The following PIK3C2A variants were observed in gnomAD, a reference collection of about 807,000 sequenced individuals.
PIK3C2A encodes phosphatidylinositol 4-phosphate 3-kinase C2 domain-containing subunit alpha.
Under a neutral mutation model 204.5 loss-of-function variants are expected in PIK3C2A, and 97 were observed. The observed-to-expected ratio is 0.47, with a 90% confidence interval of 0.40 to 0.56. The LOEUF (loss-of-function observed/expected upper bound fraction) is 0.56, where lower values mean the gene tolerates loss of function less well. Ranked by LOEUF, PIK3C2A falls within the 20% of genes least tolerant of loss-of-function variation. PIK3C2A has a pLI of 0.00. For synonymous variants in PIK3C2A, 653 were observed against 664.4 expected (o/e 0.98, Z 0.26); for missense variants, 1,735 against 1,969.2 (o/e 0.88, Z 2.25).
chr11:17,100,089 G>T, intron 25 of PIK3C2A, 120 bp from the exon 26 acceptor site: 2 of 559,136 alleles, frequency 3.6e-6, no homozygotes, highest in Non-Finnish European at 6.3e-6. Context: ...CAGTCTTGAG[G>T]GGTTCATTAG....
chr11:17,137,995 C>T, intron 8 of PIK3C2A: 1 of 592,898 alleles, frequency 1.7e-6, no homozygotes, highest in Admixed American at 2.2e-5. Context: ...TTTCTGACTC[C>T]CTGCTTGTGC....
intron 19 of PIK3C2A, among the ~76,000 whole-genome samples, chr11:17,115,961 A>ATG (rs1849172640): frequency 6.6e-6 from 1 of 152,224 alleles, no homozygotes; most frequent in African/African-American, 2.4e-5. Flanking sequence ...ACAGGTGTAC[A>ATG]TCTTTATGGC....
chr11:17,169,593 T>C lies in PIK3C2A; in HGVS notation c.149A>G (p.Asp50Gly). The C allele has an allele frequency of 3.1e-6, 5 of 1,614,182 alleles. No individual in the cohort carries two copies. Among genetic ancestry groups the C allele is most frequent in the Non-Finnish European group, 3.4e-6 (4 of 1,180,036 alleles). Residue 50 changes from aspartate to glycine, a missense_variant, in exon 2 of 33, where the codon GAC (aspartate) becomes GGC (glycine). By Grantham distance (94) the Asp-to-Gly change is moderately conservative. Coordinates refer to ENST00000691414, the MANE Select transcript of PIK3C2A (RefSeq NM_002645.4). ...AKLQKDRQVT[D>G]NQRGFELSSS... ...TGACAACTCAAAGCCTCTCTGATTG[T>C]CAGTCACTTGTCTATCCTTTTGCAG...
At chr11:17,171,501 AC>A (rs1165659746) in intron 1 of PIK3C2A, among the ~76,000 whole-genome samples, 1 of 151,764 alleles carries the variant, frequency 6.6e-6, no homozygotes, top group Non-Finnish European at 1.5e-5. Context: ...GTAATACTAA[AC>A]AAAAAAAAAA....
intron 32 of PIK3C2A, 61 bp from the exon 33 acceptor site, chr11:17,089,981 C>T (rs1848256281): frequency 7.8e-7 from 1 of 1,277,206 alleles, no homozygotes; most frequent in Non-Finnish European, 1.1e-6. Context: ...TTTCTTGGAA[C>T]ATTTCAAGTG....
intron 21 of PIK3C2A, among the ~76,000 whole-genome samples, chr11:17,111,567 G>T (rs536510545): frequency 1.3e-5 from 2 of 152,122 alleles, no homozygotes; most frequent in African/African-American, 2.4e-5. Flanking sequence ...AGAATAAGGA[G>T]AATTTGCCTT....
At chr11:17,142,369 A>G (rs181782891) in intron 8 of PIK3C2A, among the ~76,000 whole-genome samples, 3 of 152,316 alleles carry the variant, frequency 2.0e-5, no homozygotes, top group Admixed American at 2.0e-4. Flanking sequence ...AATGTTTGGT[A>G]GTCAGGAAGA....
intron 28 of PIK3C2A, among the ~76,000 whole-genome samples, chr11:17,093,916 C>A (rs1848383313): frequency 6.6e-6 from 1 of 152,012 alleles, no homozygotes; most frequent in African/African-American, 2.4e-5. Flanking sequence ...GGATTATAAG[C>A]TTGTGAGCCA....
At chr11:17,186,232 A>T (rs1446422353) in intron 1 of PIK3C2A, among the ~76,000 whole-genome samples, 2 of 152,064 alleles carry the variant, frequency 1.3e-5, no homozygotes, top group Non-Finnish European at 2.9e-5. Context: ...CCTCCCTGAT[A>T]ACCAAGTTAA....
At chr11:17,194,784 C>T (rs1017981952) in intron 1 of PIK3C2A, among the ~76,000 whole-genome samples, 9 of 152,194 alleles carry the variant, frequency 5.9e-5, no homozygotes, top group African/African-American at 2.2e-4. Context: ...TGGCACATGC[C>T]TGTTATCCCA....
chr11:17,115,400 G>A (rs1849148657), intron 19 of PIK3C2A, among the ~76,000 whole-genome samples: 1 of 147,188 alleles, frequency 6.8e-6, no homozygotes, highest in Non-Finnish European at 1.5e-5. Flanking sequence ...AAAAAGACAG[G>A]CATGGTGGCA....
chr11:17,129,506 T>A, intron 12 of PIK3C2A, 39 bp from the exon 13 acceptor site: 2 of 1,298,086 alleles, frequency 1.5e-6, no homozygotes, highest in Non-Finnish European at 1.1e-6. Context: ...CAAATTAGAT[T>A]GAATGATTTT....
At chr11:17,119,377 G>GA (rs959917769) in intron 16 of PIK3C2A, 64 bp from the exon 17 acceptor site, 3 of 926,020 alleles carry the variant, frequency 3.2e-6, no homozygotes, top group African/African-American at 1.6e-5. Flanking sequence ...TGTATTTTTT[G>GA]AAAACACAAT....
intron 1 of PIK3C2A, among the ~76,000 whole-genome samples, chr11:17,173,602 T>C (rs1851246573): frequency 6.6e-6 from 1 of 152,194 alleles, no homozygotes; most frequent in African/African-American, 2.4e-5. Flanking sequence ...CCTTTTTGCT[T>C]AAGCCAGTTT....
At position 17,169,496 on chromosome 11, in the gene PIK3C2A, A is replaced by C; in HGVS notation, c.246T>G (p.Asp82Glu). The change falls in exon 2 of 33, where the codon GAT (aspartate) becomes GAG (glutamate). Residue 82 changes from aspartate (D) to glutamate (E), a missense_variant. By Grantham distance (45) the Asp-to-Glu change is conservative. Around this residue, in one of 6 missense-constraint regions of PIK3C2A, gnomAD observed 536 missense variants for 546.7 expected, o/e 0.98. Transcript: ENST00000691414. ...CAATATCTAATGCTCTTTTTTGGGA[A>C]TCTGATTCAGGAAACACCATGAGAT... ...DYDLMVFPES[D>E]SQKRALDIDV... 1.2e-6 allele frequency: 2 copies of C among 1,613,806 alleles called. No individual in the cohort carries two copies. Among genetic ancestry groups the C allele is most frequent in the Non-Finnish European group, 1.7e-6 (2 of 1,179,888 alleles).
chr11:17,122,421 A>G, intron 14 of PIK3C2A, 88 bp from the exon 15 acceptor site: 3 of 792,100 alleles, frequency 3.8e-6, no homozygotes, highest in Non-Finnish European at 6.2e-6. Context: ...GATTTTTCTT[A>G]GCAATCGGGG....
At chr11:17,112,703 T>A (rs764988951) in intron 20 of PIK3C2A, 37 bp from the exon 21 acceptor site, 1 of 1,097,606 alleles carries the variant, frequency 9.1e-7, no homozygotes, top group South Asian at 1.7e-5. Context: ...GAAAGATAAA[T>A]GAAAATGGAT....
intron 1 of PIK3C2A, among the ~76,000 whole-genome samples, chr11:17,187,945 G>A (rs1292949140): frequency 2.0e-5 from 3 of 152,130 alleles, no homozygotes; most frequent in Admixed American, 6.5e-5. Flanking sequence ...ACAGCTGGGA[G>A]CCAATGGTAG....
chr11:17,153,052 A>G (rs1332845801), intron 3 of PIK3C2A, among the ~76,000 whole-genome samples: 1 of 152,158 alleles, frequency 6.6e-6, no homozygotes, highest in South Asian at 2.1e-4. Flanking sequence ...ATTCAGAAAG[A>G]CAGGTGTAGA....
Sources: allele counts gnomAD v4.1 joint callset (sites outside exome capture counted in the v4.1 genomes callset), GRCh38; gene constraint gnomAD v4.1.1; regional missense constraint gnomAD v4.1.1; transcripts MANE v1.5; gene names NCBI Gene and HGNC (gene_info 2026-07-23, HGNC 2026-07-21).